The following CHST7 variants were observed in gnomAD, a reference collection of about 807,000 sequenced individuals.
CHST7 encodes the protein carbohydrate sulfotransferase 7.
Under a neutral mutation model 9.0 loss-of-function variants are expected in CHST7, and 5 were observed. The ratio of observed to expected loss-of-function variants is 0.56; its 90% CI spans 0.29 to 1.17. The LOEUF (loss-of-function observed/expected upper bound fraction) is 1.17. CHST7 is among the 50% of genes most tolerant of loss of function. The pLI, the probability that CHST7 is intolerant of heterozygous loss-of-function variation, is 0.08. For synonymous variants in CHST7, 244 were observed against 237.1 expected (o/e 1.03, Z -0.27); for missense variants, 377 against 485.1 (o/e 0.78, Z 2.09).
intron 1 of CHST7, among the ~76,000 whole-genome samples, chrX:46,581,466 G>T (rs1407928142): frequency 1.9e-5 from 2 of 106,308 alleles, no homozygotes; most frequent in Non-Finnish European, 3.9e-5. Context: ...TGAGGCACGA[G>T]AATTGCTTGA....
chrX:46,585,971 C>T (rs1262584847), intron 1 of CHST7, among the ~76,000 whole-genome samples: 2 of 111,482 alleles, frequency 1.8e-5, no homozygotes, highest in African/African-American at 6.5e-5. Flanking sequence ...TGGTCTCAAC[C>T]TCCTGACAAG....
rs759455589 is a variant in CHST7 at position 46,575,207 on chromosome X, G to A, written c.1276G>A (p.Asp426Asn). The change falls in exon 1 of 2, where the codon GAC (aspartate) becomes AAC (asparagine). Residue 426 changes from aspartate to asparagine, a missense_variant. Physicochemically the swap from Asp to Asn is conservative, Grantham distance 23. Around this residue, in one of 3 missense-constraint regions of CHST7, gnomAD observed 130 missense variants for 134.9 expected, o/e 0.96. Transcript: ENST00000276055. ...CCGGCCCTTCCACCTGTCAGCGCGCGACGCCCGGGAGGCGGTGCACGCCTG... is the reference window on the plus strand; with the variant it reads ...CCGGCCCTTCCACCTGTCAGCGCGCAACGCCCGGGAGGCGGTGCACGCCTG... ...ADRPFHLSAR[D>N]AREAVHAWRE... is the part of the protein sequence containing the mutation. 9.1e-7 allele frequency: 1 copy of A among 1,102,598 alleles called. No individual in the cohort carries two copies. Among genetic ancestry groups the A allele is most frequent in the Non-Finnish European group, 1.2e-6 (1 of 850,378 alleles). 90.9% of individuals were successfully genotyped at this position (1,102,598 alleles called of 1,213,427 possible). A position where few individuals can be genotyped will look rare whatever the true frequency, so the allele number is the denominator to read the frequency against.
intron 1 of CHST7, among the ~76,000 whole-genome samples, chrX:46,581,858 G>A (rs1942527296): frequency 9.0e-6 from 1 of 111,376 alleles, no homozygotes; most frequent in African/African-American, 3.3e-5. Context: ...GCCTCCCAAA[G>A]TGCTAGGATT....
At chrX:46,577,123 C>CTTTTTTTTTTTTTTT (rs34822854) in intron 1 of CHST7, among the ~76,000 whole-genome samples, 1 of 69,388 alleles carries the variant, frequency 1.4e-5, no homozygotes. Flanking sequence ...GAAACTTTTG[C>CTTTTTTTTTTTTTTT]TTTTTTTTTT....
intron 1 of CHST7, among the ~76,000 whole-genome samples, chrX:46,585,281 T>C (rs1236029314): frequency 2.8e-5 from 2 of 71,638 alleles, no homozygotes; most frequent in African/African-American, 7.2e-5. Context: ...TTCTTTCTTT[T>C]TTTCTTTTCT....
intron 1 of CHST7, among the ~76,000 whole-genome samples, chrX:46,595,341 T>C (rs748088705): frequency 8.9e-6 from 1 of 112,544 alleles, no homozygotes; most frequent in African/African-American, 3.2e-5. Flanking sequence ...AATTATCTTA[T>C]GAATCTCCAA....
rs777166001 is a variant in CHST7, at chrX:46,598,339, T to TAA, written c.*614_*615dup. On this transcript the variant is annotated 3_prime_UTR_variant, in exon 2 of 2. Coordinates refer to ENST00000276055, the MANE Select transcript of CHST7 (RefSeq NM_019886.4). ...AATGAACTGAAACACACTTTTACTT[T>TAA]AAAATTTTTCTGTCTGGCGTTTTTG... is the stretch of plus-strand genomic sequence containing the variant. 8.9e-6 allele frequency: 1 copy of TAA among 112,199 alleles called. No individual in the cohort carries two copies. The highest frequency in any genetic ancestry group is 2.8e-4 in the East Asian group (1 of 3,585). 9.2% of individuals were successfully genotyped at this position (112,199 alleles called of 1,213,427 possible).
At chrX:46,596,950 A>G (rs749482713) in intron 1 of CHST7, among the ~76,000 whole-genome samples, 9 of 107,899 alleles carry the variant, frequency 8.3e-5, no homozygotes, top group African/African-American at 2.7e-4. Flanking sequence ...CTGTCTCAAA[A>G]AAAAAAAAAA....
chrX:46,585,816 G>A (rs1179132195), intron 1 of CHST7, among the ~76,000 whole-genome samples: 1 of 111,984 alleles, frequency 8.9e-6, no homozygotes, highest in Non-Finnish European at 1.9e-5. Flanking sequence ...CGCGATATCG[G>A]CTCAATGCAA....
chrX:46,585,438 C>T (rs1381374370), intron 1 of CHST7, among the ~76,000 whole-genome samples: 2 of 109,338 alleles, frequency 1.8e-5, no homozygotes, highest in Admixed American at 9.7e-5. Flanking sequence ...TACAGGCATG[C>T]GCCACCACGC....
At chrX:46,584,462 G>A (rs6521126) in intron 1 of CHST7, among the ~76,000 whole-genome samples, 31,585 of 103,754 alleles carry the variant, frequency 0.3, 5,158 homozygotes, top group East Asian at 0.61. Flanking sequence ...ACTTAAACCC[G>A]GGAGGCGGAG....
Position 46,598,413 on chromosome X carries a change from T to TTTTG in CHST7, c.*690_*693dup, listed in dbSNP as rs1243330199. 1.8e-5 allele frequency: 2 copies of TTTTG among 112,763 alleles called. No homozygotes were observed. The highest frequency in any genetic ancestry group is 6.4e-5 in the African/African-American group (2 of 31,063). 9.3% of individuals were successfully genotyped at this position (112,763 alleles called of 1,213,427 possible). On this transcript the variant is annotated 3_prime_UTR_variant, in exon 2 of 2. Transcript: ENST00000276055. The stretch of plus-strand genomic sequence containing the variant: ...GGAGTCATGTTAATGACAGGATTTG[T>TTTTG]TTTGTTTGGATGCAGTTCAATTGCA...
At chrX:46,591,674 C>T (rs775539685) in intron 1 of CHST7, among the ~76,000 whole-genome samples, 12 of 111,143 alleles carry the variant, frequency 1.1e-4, no homozygotes, top group East Asian at 5.6e-4. Flanking sequence ...CGCGCCTGGC[C>T]GAGATTTCTT....
At position 46,574,271 on chromosome X, in the gene CHST7, T is replaced by C; in HGVS notation, c.340T>C (p.Ser114Pro). 8.3e-7 allele frequency: 1 copy of C among 1,211,108 alleles called. No individual in the cohort carries two copies. The highest frequency in any genetic ancestry group is 1.1e-6 in the Non-Finnish European group (1 of 895,118). ...IYVHATWRTGSSFLGELFNQH... is the reference protein window; with the variant it reads ...IYVHATWRTGPSFLGELFNQH... ...CGTGCATGCCACCTGGCGCACCGGCTCGTCCTTCCTGGGCGAACTCTTTAA... is the reference window on the plus strand; with the variant it reads ...CGTGCATGCCACCTGGCGCACCGGCCCGTCCTTCCTGGGCGAACTCTTTAA... Residue 114 changes from serine to proline, a missense_variant, in exon 1 of 2, where the codon TCG (serine) becomes CCG (proline). By Grantham distance (74) the Ser-to-Pro change is moderately conservative. Coordinates refer to ENST00000276055, the MANE Select transcript of CHST7 (RefSeq NM_019886.4).
intron 1 of CHST7, among the ~76,000 whole-genome samples, chrX:46,592,841 G>T (rs1942579032): frequency 9.7e-6 from 1 of 103,583 alleles, no homozygotes; most frequent in Non-Finnish European, 2.0e-5. Context: ...ATTGATTTGA[G>T]ATCTTTTTTT....
At chrX:46,591,314 T>C (rs1942572013) in intron 1 of CHST7, among the ~76,000 whole-genome samples, 1 of 112,741 alleles carries the variant, frequency 8.9e-6, no homozygotes, top group South Asian at 3.6e-4. Context: ...CAACAATGTC[T>C]GAAAGATCAA....
intron 1 of CHST7, among the ~76,000 whole-genome samples, chrX:46,582,995 G>A (rs1386860228): frequency 4.8e-5 from 5 of 104,082 alleles, no homozygotes; most frequent in Non-Finnish European, 9.8e-5. Flanking sequence ...CCATGAATAT[G>A]AATGTAATAT....
chrX:46,582,770 C>T (rs1022157173), intron 1 of CHST7, among the ~76,000 whole-genome samples: 2 of 111,325 alleles, frequency 1.8e-5, no homozygotes, highest in East Asian at 2.8e-4. Flanking sequence ...CTTACTGACT[C>T]GAGCATAAAC....
chrX:46,574,927 C>A lies in CHST7; in HGVS notation c.996C>A (p.Pro332=). 1.8e-6 allele frequency: 2 copies of A among 1,142,474 alleles called. No homozygotes were observed. The highest frequency in any genetic ancestry group is 2.3e-6 in the Non-Finnish European group (2 of 869,522). 94.2% of individuals were successfully genotyped at this position (1,142,474 alleles called of 1,213,427 possible). A position where few individuals can be genotyped will look rare whatever the true frequency, so the allele number is the denominator to read the frequency against. ...CCGGGGGCCAGTCTCGCGCGCTGCC[C>A]GCCGCGCCGCGCGCCGATTTCTTCC... ...ARPGGQSRAL[P]AAPRADFFLT... is the part of the protein sequence containing the mutation. The change falls in exon 1 of 2, where the codon CCC becomes CCA. Residue 332 remains proline (P), a synonymous_variant. Coordinates refer to ENST00000276055, the MANE Select transcript of CHST7 (RefSeq NM_019886.4).
Sources: gnomAD v4.1 joint callset for allele counts (sites outside exome capture counted in the v4.1 genomes callset) on GRCh38, gnomAD v4.1.1 for gene constraint, gnomAD v4.1.1 regional missense constraint, MANE v1.5 for transcripts, NCBI Gene and HGNC (gene_info 2026-07-23, HGNC 2026-07-21) for gene names.